PCDHGA7: variants seen among roughly 807,000 people sequenced by gnomAD.
The protein encoded by PCDHGA7 is protocadherin gamma subfamily A, 7, also known as protocadherin gamma-A7.
In PCDHGA7, 44 loss-of-function variants were observed where a neutral mutation model predicts 58.3. That is an observed-to-expected ratio of 0.75 (90% confidence interval 0.59 to 0.97). The LOEUF is 0.97. Among genes scored for constraint, PCDHGA7 ranks in the 50% least tolerant of loss-of-function variants. The pLI, the probability that PCDHGA7 is intolerant of heterozygous loss-of-function variation, is 0.00. For synonymous variants in PCDHGA7, 516 were observed against 504.2 expected (o/e 1.02, Z -0.31); for missense variants, 1,266 against 1,188.7 (o/e 1.06, Z -0.96).
At chr5:141,390,405 T>C in intron 1 of PCDHGA7, 1 of 1,264,524 alleles carries the variant, frequency 7.9e-7, no homozygotes, top group Non-Finnish European at 1.1e-6. Flanking sequence ...TTTAGGAAAG[T>C]TGTAGTCAGT....
Position 141,431,435 on chromosome 5 carries a change from G to T in PCDHGA7, c.2424+46112G>T. On this transcript the variant is annotated intron_variant, in intron 1 of 3. Coordinates refer to ENST00000518325, the MANE Select transcript of PCDHGA7 (RefSeq NM_018920.4). This position sits in a 1 kb window ranked among gnomAD's most constrained non-coding sequence, Gnocchi z 4.8. The stretch of plus-strand genomic sequence containing the variant: ...GGGCGACCCGGTGCGCACAGGCACC[G>T]CGCGCATCCGCGTGATGGTTCTGGA... The T allele has an allele frequency of 6.2e-7, 1 of 1,613,668 alleles. No individual in the cohort carries two copies. Among genetic ancestry groups the T allele is most frequent in the Non-Finnish European group, 8.5e-7 (1 of 1,180,026 alleles).
chr5:141,473,237 A>C (rs2099317600), intron 1 of PCDHGA7, among the ~76,000 whole-genome samples: 1 of 152,194 alleles, frequency 6.6e-6, no homozygotes, highest in African/African-American at 2.4e-5. Context: ...GATCCACACA[A>C]GTGAATACAT....
intron 1 of PCDHGA7, among the ~76,000 whole-genome samples, chr5:141,407,446 C>T (rs1314408901): frequency 6.7e-6 from 1 of 149,410 alleles, no homozygotes. Context: ...AACCAGAACA[C>T]GAGGCTCACC....
At chr5:141,416,010 A>T (rs968655183) in intron 1 of PCDHGA7, 5 of 245,908 alleles carry the variant, frequency 2.0e-5, no homozygotes, top group Non-Finnish European at 3.0e-5. Flanking sequence ...TGGTAAGAAT[A>T]GGTAAGTATC....
chr5:141,400,700 AAAG>A (rs1199384329), intron 1 of PCDHGA7: 5 of 728,844 alleles, frequency 6.9e-6, no homozygotes, highest in Non-Finnish European at 1.1e-5. Flanking sequence ...ATGTCGCATA[AAAG>A]AAGTAGCCTT....
rs148589854 is a variant in PCDHGA7, at chr5:141,393,112, C to T, written c.2424+7789C>T. ...CGGGAGGAGCTCTGCGCTCAGAGCC[C>T]GCGGTGTCTGATAAATATTAACACC... On this transcript the variant is annotated intron_variant, in intron 1 of 3. Transcript: ENST00000518325. 5.0e-3 allele frequency: 7,989 copies of T among 1,613,452 alleles called. 48 individuals carry two copies. The highest frequency in any genetic ancestry group is 9.4e-3 in the Admixed American group (566 of 60,028).
chr5:141,415,907 T>C, intron 1 of PCDHGA7: 1 of 779,592 alleles, frequency 1.3e-6, no homozygotes. Context: ...CAGACTTCCA[T>C]ACAGAAGTGC....
At chr5:141,389,603 C>T (rs1166074538) in intron 1 of PCDHGA7, 2 of 1,613,148 alleles carry the variant, frequency 1.2e-6, no homozygotes, top group Admixed American at 1.7e-5. Context: ...CTGCGCTCTT[C>T]GATATGGTGC....
chr5:141,419,389 G>C (rs551951411), intron 1 of PCDHGA7: 1 of 1,613,670 alleles, frequency 6.2e-7, no homozygotes, highest in South Asian at 1.1e-5. Context: ...TGAGCGCGCA[G>C]AGCGGGGTGG....
At chr5:141,505,673 G>C (rs1389292278) in intron 3 of PCDHGA7, among the ~76,000 whole-genome samples, 192 bp downstream of exon 3, 1 of 152,178 alleles carries the variant, frequency 6.6e-6, no homozygotes, top group East Asian at 1.9e-4. Context: ...AGGGGTTGGG[G>C]GTCCTGGGAT....
At chr5:141,426,015 T>G (rs1168777347) in intron 1 of PCDHGA7, among the ~76,000 whole-genome samples, 3 of 152,200 alleles carry the variant, frequency 2.0e-5, no homozygotes, top group African/African-American at 7.2e-5. Flanking sequence ...GGCTGCAGTT[T>G]TCTAAATAGA....
intron 1 of PCDHGA7, chr5:141,408,050 G>C: frequency 7.9e-7 from 1 of 1,259,544 alleles, no homozygotes; most frequent in South Asian, 1.6e-5. Context: ...CCCACACAGA[G>C]CCTCCCGGCT....
chr5:141,489,944 T>C lies in PCDHGA7; in HGVS notation c.2425-4863T>C. On this transcript the variant is annotated intron_variant, in intron 1 of 3. Coordinates refer to ENST00000518325, the MANE Select transcript of PCDHGA7 (RefSeq NM_018920.4). The surrounding 1 kb of genome is among the most constrained non-coding windows in gnomAD (Gnocchi z 4.5). Reference sequence around the variant, plus strand: ...CTTATCTCTGTCATCGTGCTGGACATCAATGATAATGCTCCAACCTTCCAA... The same window carrying C: ...CTTATCTCTGTCATCGTGCTGGACACCAATGATAATGCTCCAACCTTCCAA... 6.2e-7 allele frequency: 1 copy of C among 1,614,172 alleles called. No homozygotes were observed. Among genetic ancestry groups the C allele is most frequent in the Non-Finnish European group, 8.5e-7 (1 of 1,180,010 alleles).
At chr5:141,471,932 A>T (rs1015576042) in intron 1 of PCDHGA7, among the ~76,000 whole-genome samples, 1 of 152,158 alleles carries the variant, frequency 6.6e-6, no homozygotes, top group Non-Finnish European at 1.5e-5. Context: ...GGGGGTGATG[A>T]GAGTTTTCTA....
chr5:141,403,489 C>T (rs187216481), intron 1 of PCDHGA7: 2 of 1,614,050 alleles, frequency 1.2e-6, no homozygotes, highest in East Asian at 2.2e-5. Flanking sequence ...ACCACTTCTC[C>T]CTGAACGTGC....
chr5:141,403,849 G>A, intron 1 of PCDHGA7: 1 of 1,613,560 alleles, frequency 6.2e-7, no homozygotes, highest in East Asian at 2.2e-5. Flanking sequence ...AAAATACTGG[G>A]GAAATATCAA....
At chr5:141,409,967 AC>A (rs779248187) in intron 1 of PCDHGA7, 29 of 1,613,086 alleles carry the variant, frequency 1.8e-5, no homozygotes, top group Non-Finnish European at 2.4e-5. Flanking sequence ...CTACCTAGTG[AC>A]TAAGGTGGTA....
chr5:141,488,985 C>G lies in PCDHGA7; in HGVS notation c.2425-5822C>G, dbSNP rs574857958. On this transcript the variant is annotated intron_variant, in intron 1 of 3. Transcript: ENST00000518325. ...ACTTTTTGGCCAATCAGACTCAGAG[C>G]TGAGGTGGGAGATCTGCTCTTCCAG... The G allele has an allele frequency of 7.4e-6, 3 of 405,188 alleles. No homozygotes were observed. In the South Asian group the frequency reaches 2.4e-4, roughly 32 times the overall value. The allele number at this position is 405,188 out of a possible 1,614,324, so 25.1% of individuals were successfully genotyped here.
intron 1 of PCDHGA7, among the ~76,000 whole-genome samples, chr5:141,470,448 T>C (rs1384666661): frequency 6.6e-6 from 1 of 152,192 alleles, no homozygotes. Flanking sequence ...TTTAATAGCA[T>C]CTTGAATAGG....
Sources: gnomAD v4.1 joint callset for allele counts (sites outside exome capture counted in the v4.1 genomes callset) on GRCh38, gnomAD v4.1.1 for gene constraint, Gnocchi (gnomAD v3.1) non-coding constraint, MANE v1.5 for transcripts, NCBI Gene and HGNC (gene_info 2026-07-23, HGNC 2026-07-21) for gene names.